Variants in CDH12 observed in about 807,000 individuals in gnomAD.
CDH12 encodes cadherin 12.
A neutral mutation model predicts 74.1 loss-of-function variants in CDH12; 41 were observed. The ratio of observed to expected loss-of-function variants is 0.55; its 90% CI spans 0.43 to 0.72. The LOEUF (loss-of-function observed/expected upper bound fraction) is 0.72. Ranked by LOEUF, CDH12 falls within the 30% of genes least tolerant of loss-of-function variation. The pLI is 0.00. For missense variants in CDH12, 945 were observed against 977.2 expected (o/e 0.97, Z 0.44); for synonymous variants, 399 against 355.0 (o/e 1.12, Z -1.39).
chr5:22,001,672 G>T (rs1318504692), intron 5 of CDH12, among the ~76,000 whole-genome samples: 2 of 151,414 alleles, frequency 1.3e-5, no homozygotes, highest in Non-Finnish European at 2.9e-5. Flanking sequence ...CCTGCCTGTT[G>T]TTCCTTTCTT....
At chr5:22,529,169 A>G (rs1252281502) in intron 1 of CDH12, among the ~76,000 whole-genome samples, 70 of 49,530 alleles carry the variant, frequency 1.4e-3, no homozygotes, top group East Asian at 0.01. Flanking sequence ...ACATGTGTAT[A>G]TATATATATA....
At chr5:22,189,209 A>G (rs554553710) in intron 4 of CDH12, among the ~76,000 whole-genome samples, 69 of 152,302 alleles carry the variant, frequency 4.5e-4, no homozygotes, top group African/African-American at 1.4e-3. Context: ...TGAAACCATG[A>G]CACTGCCGAT....
chr5:21,872,556 A>G (rs1751680810), intron 6 of CDH12, among the ~76,000 whole-genome samples: 1 of 152,168 alleles, frequency 6.6e-6, no homozygotes, highest in African/African-American at 2.4e-5. Context: ...ATGTCTGAGT[A>G]TGGGATATAC....
chr5:22,063,701 G>A (rs1741354455), intron 5 of CDH12, among the ~76,000 whole-genome samples: 1 of 151,592 alleles, frequency 6.6e-6, no homozygotes, highest in African/African-American at 2.4e-5. Context: ...AGATGATTCT[G>A]TGAAGGTGTT....
chr5:21,939,671 T>C (rs1030612325), intron 6 of CDH12, among the ~76,000 whole-genome samples: 12 of 152,258 alleles, frequency 7.9e-5, no homozygotes, highest in South Asian at 2.1e-4. Flanking sequence ...GCAGTAGTCA[T>C]TATATGGATA....
At chr5:21,972,969 A>G (rs1320465896) in intron 6 of CDH12, among the ~76,000 whole-genome samples, 3 of 151,410 alleles carry the variant, frequency 2.0e-5, no homozygotes, top group Non-Finnish European at 2.9e-5. Context: ...TGGGAAGCCA[A>G]GGTGGAGGGA....
At chr5:21,816,772 CA>C (rs1409542509) in intron 9 of CDH12, among the ~76,000 whole-genome samples, 172 bp downstream of exon 9, 12 of 150,810 alleles carry the variant, frequency 8.0e-5, no homozygotes, top group Admixed American at 2.7e-4. Flanking sequence ...CCAAAAGATA[CA>C]TGCAGATTTT....
intron 1 of CDH12, among the ~76,000 whole-genome samples, chr5:22,542,617 AC>A (rs1311994192): frequency 2.0e-5 from 3 of 152,120 alleles, no homozygotes; most frequent in African/African-American, 7.2e-5. Context: ...CGTGTTTATC[AC>A]CCTTTGGCTG....
At chr5:22,758,076 A>G (rs573020676) in intron 1 of CDH12, among the ~76,000 whole-genome samples, 1 of 152,292 alleles carries the variant, frequency 6.6e-6, no homozygotes, top group Admixed American at 6.5e-5. Flanking sequence ...CTATGGCGAG[A>G]TAATTAATAG....
chr5:22,700,004 G>T (rs369856988), intron 1 of CDH12, among the ~76,000 whole-genome samples: 12 of 151,970 alleles, frequency 7.9e-5, no homozygotes, highest in Non-Finnish European at 1.6e-4. Context: ...GTAAAAGCCC[G>T]TGTCTACAAA....
chr5:21,883,495 C>G, intron 6 of CDH12: 1 of 1,612,898 alleles, frequency 6.2e-7, no homozygotes, highest in Non-Finnish European at 8.5e-7. Context: ...GCAGTCAAGG[C>G]TCCAGGGTTT....
chr5:22,287,464 C>T (rs1215878151), intron 3 of CDH12, among the ~76,000 whole-genome samples: 2 of 151,940 alleles, frequency 1.3e-5, no homozygotes, highest in African/African-American at 4.8e-5. Flanking sequence ...GTGGCTCACG[C>T]CTGTAATCCC....
intron 2 of CDH12, among the ~76,000 whole-genome samples, chr5:22,499,536 T>C (rs923148208): frequency 2.0e-5 from 3 of 152,168 alleles, no homozygotes; most frequent in African/African-American, 7.2e-5. Flanking sequence ...AAAGTTGATA[T>C]ACTTTGAAAT....
At chr5:22,660,032 C>A (rs1026135502) in intron 1 of CDH12, among the ~76,000 whole-genome samples, 1 of 151,904 alleles carries the variant, frequency 6.6e-6, no homozygotes, top group Admixed American at 6.6e-5. Flanking sequence ...GAAAAAAATG[C>A]ATTGGAGTTG....
intron 5 of CDH12, among the ~76,000 whole-genome samples, chr5:22,023,866 T>G (rs1561029932): frequency 6.6e-6 from 1 of 152,164 alleles, no homozygotes; most frequent in South Asian, 2.1e-4. Flanking sequence ...GAGCCAAATT[T>G]GGCTCCTCCC....
chr5:22,308,081 C>T (rs1374805914), intron 3 of CDH12, among the ~76,000 whole-genome samples: 13 of 151,702 alleles, frequency 8.6e-5, no homozygotes, highest in Non-Finnish European at 1.3e-4. Context: ...GGGGTTTCAC[C>T]ACGTTAGCCA....
chr5:21,751,839 G>A lies in CDH12; in HGVS notation c.2283C>T (p.Ala761=), dbSNP rs1355257588. 3 of 1,614,044 alleles carry A rather than the reference G, an allele frequency of 1.9e-6. No individual in the cohort carries two copies. The highest frequency in any genetic ancestry group is 2.2e-5 in the East Asian group (1 of 44,868). ...LSSIDSLTTE[A]DQDYDYLTDW... ...CTGTCAGATAGTCATAGTCCTGGTC[G>A]GCTTCTGTGGTGAGAGAGTCTATAG... Residue 761 remains alanine, a synonymous_variant, in exon 15 of 15, where the codon GCC becomes GCT. Coordinates refer to ENST00000382254, the MANE Select transcript of CDH12 (RefSeq NM_004061.5).
chr5:22,063,709 GT>G (rs372039381), intron 5 of CDH12, among the ~76,000 whole-genome samples: 52 of 149,396 alleles, frequency 3.5e-4, no homozygotes, highest in South Asian at 2.1e-3. Context: ...CTGTGAAGGT[GT>G]TTTTTTTTAA....
intron 1 of CDH12, among the ~76,000 whole-genome samples, chr5:22,840,095 T>C (rs1737016418): frequency 6.6e-6 from 1 of 152,146 alleles, no homozygotes; most frequent in African/African-American, 2.4e-5. Flanking sequence ...ATAAGATGAC[T>C]TTTTAAAATC....
Sources: gnomAD v4.1 joint callset for allele counts (sites outside exome capture counted in the v4.1 genomes callset) on GRCh38, gnomAD v4.1.1 for gene constraint, MANE v1.5 for transcripts, NCBI Gene and HGNC (gene_info 2026-07-23, HGNC 2026-07-21) for gene names.